DPYD: variants seen among roughly 807,000 people sequenced by gnomAD.
DPYD encodes the protein dihydropyrimidine dehydrogenase.
A neutral mutation model predicts 116.2 loss-of-function variants in DPYD; 109 were observed. The ratio of observed to expected loss-of-function variants is 0.94; its 90% CI spans 0.80 to 1.10. The LOEUF (loss-of-function observed/expected upper bound fraction) is 1.10, where lower values mean the gene tolerates loss of function less well. Ranked by LOEUF, DPYD falls within the 50% of genes least tolerant of loss-of-function variation. The probability of loss-of-function intolerance (pLI) is 0.00; values close to 1 mark genes in which losing one functional copy is unlikely to be tolerated. For synonymous variants in DPYD, 440 were observed against 432.0 expected, an observed-to-expected ratio of 1.02 and a Z score of -0.23; for missense variants, 1,302 against 1,254.5, an observed-to-expected ratio of 1.04 and a Z score of -0.57.
At chr1:97,249,781 C>T (rs994463707) in intron 18 of DPYD, among the ~76,000 whole-genome samples, 9 of 152,118 alleles carry the variant, frequency 5.9e-5, no homozygotes, top group African/African-American at 1.4e-4. Flanking sequence ...TTGAACAATA[C>T]TTTTTAAAAA....
chr1:97,843,646 T>C (rs1670144983), intron 2 of DPYD, among the ~76,000 whole-genome samples: 1 of 152,208 alleles, frequency 6.6e-6, no homozygotes, highest in Non-Finnish European at 1.5e-5. Context: ...TCATGTTTCT[T>C]TCCATAAGAA....
At chr1:97,780,867 T>C (rs116189427) in intron 3 of DPYD, among the ~76,000 whole-genome samples, 503 of 152,308 alleles carry the variant, frequency 3.3e-3, no homozygotes, top group Non-Finnish European at 5.4e-3. Context: ...AGATGCTTGA[T>C]ACTATTTCAG....
intron 20 of DPYD, among the ~76,000 whole-genome samples, chr1:97,128,636 G>A (rs1049427169): frequency 8.5e-5 from 13 of 152,068 alleles, no homozygotes; most frequent in African/African-American, 3.1e-4. Flanking sequence ...ATGCTCTTAC[G>A]GGACTCGGGG....
intron 20 of DPYD, among the ~76,000 whole-genome samples, chr1:97,166,289 A>G (rs983890813): frequency 1.3e-5 from 2 of 152,186 alleles, no homozygotes; most frequent in South Asian, 2.1e-4. Flanking sequence ...GTGCAGGAAC[A>G]TGGATGGAGC....
At chr1:97,728,734 C>A (rs1471003395) in intron 4 of DPYD, among the ~76,000 whole-genome samples, 1 of 152,026 alleles carries the variant, frequency 6.6e-6, no homozygotes, top group African/African-American at 2.4e-5. Context: ...CTGGCTCAAG[C>A]TGTAATGGTG....
At chr1:97,520,318 T>A (rs191494251) in intron 12 of DPYD, among the ~76,000 whole-genome samples, 49 of 152,306 alleles carry the variant, frequency 3.2e-4, no homozygotes, top group East Asian at 1.2e-3. Context: ...GTATTTTACC[T>A]GCCTAAAATA....
chr1:97,254,837 A>G (rs144282772), intron 18 of DPYD, among the ~76,000 whole-genome samples: 19 of 152,288 alleles, frequency 1.2e-4, no homozygotes, highest in African/African-American at 4.6e-4. Flanking sequence ...CCAAAACAAG[A>G]AGAAAAGATC....
chr1:97,195,311 G>C (rs1658672074), intron 19 of DPYD, among the ~76,000 whole-genome samples: 1 of 151,832 alleles, frequency 6.6e-6, no homozygotes, highest in Non-Finnish European at 1.5e-5. Context: ...TGTCATGCAT[G>C]AATGAAAAAG....
At position 97,085,482 on chromosome 1, in the gene DPYD, T is replaced by A. The variant is rs1405761453; in HGVS notation, c.2767-3012A>T. 3.3e-5 allele frequency among the ~76,000 whole-genome samples: 5 copies of A among 152,204 alleles called. No individual in the cohort carries two copies. The East Asian group carries it at 5.8e-4, about 18-fold the overall frequency. On this transcript the variant is annotated intron_variant, in intron 21 of 22. Transcript: ENST00000370192. The stretch of plus-strand genomic sequence containing the variant: ...ATTAGCACATGGTGTTAACAATTCA[T>A]CCCTTATTAAGTACAATTTTTTAAG...
At chr1:97,169,068 G>C (rs531926314) in intron 20 of DPYD, among the ~76,000 whole-genome samples, 1 of 151,882 alleles carries the variant, frequency 6.6e-6, no homozygotes, top group South Asian at 2.1e-4. Context: ...GGCTAGTCTC[G>C]AACTCCTGAC....
At chr1:97,196,053 G>C (rs1255942516) in intron 19 of DPYD, among the ~76,000 whole-genome samples, 1 of 151,916 alleles carries the variant, frequency 6.6e-6, no homozygotes, top group Non-Finnish European at 1.5e-5. Context: ...GCTCCTGTAA[G>C]AGGAAGAGGC....
At chr1:97,308,777 C>A (rs2101049012) in intron 16 of DPYD, among the ~76,000 whole-genome samples, 1 of 151,910 alleles carries the variant, frequency 6.6e-6, no homozygotes, top group East Asian at 1.9e-4. Context: ...TTTTTAGAAT[C>A]TTATTGAAAT....
In DPYD at chr1:97,860,720, A is replaced by T. The variant is rs77125898; in HGVS notation, c.150+22544T>A. On this transcript the variant is annotated intron_variant, in intron 2 of 22. Transcript: ENST00000370192. ...AAGTCAGTTAACAGAAAATGGCTAA[A>T]ACTATTTCTAACCTAAAATACTGAA... Among the ~76,000 whole-genome samples, 939 of 152,248 alleles carry T rather than the reference A, an allele frequency of 6.2e-3. 8 individuals carry two copies. Among genetic ancestry groups the T allele is most frequent in the African/African-American group, 0.021 (886 of 41,584 alleles).
intron 8 of DPYD, among the ~76,000 whole-genome samples, chr1:97,597,100 C>A (rs1654939781): frequency 6.6e-6 from 1 of 152,124 alleles, no homozygotes; most frequent in South Asian, 2.1e-4. Flanking sequence ...TGAATATGTT[C>A]TTGAAGGCTC....
chr1:97,566,745 A>T (rs1652546323), intron 11 of DPYD, among the ~76,000 whole-genome samples: 1 of 152,126 alleles, frequency 6.6e-6, no homozygotes, highest in Admixed American at 6.6e-5. Context: ...GAAGGTCATA[A>T]AGAGTGGTTA....
intron 3 of DPYD, among the ~76,000 whole-genome samples, chr1:97,791,389 C>A (rs543914280): frequency 1.3e-5 from 2 of 152,282 alleles, no homozygotes; most frequent in Admixed American, 1.3e-4. Context: ...ACCACTGAAA[C>A]CTCTGCTTAA....
intron 16 of DPYD, among the ~76,000 whole-genome samples, chr1:97,323,300 ATG>A (rs1668434051): frequency 6.7e-6 from 1 of 148,636 alleles, no homozygotes; most frequent in African/African-American, 2.5e-5. Context: ...ATATGTGTAT[ATG>A]TACACGTATA....
intron 4 of DPYD, among the ~76,000 whole-genome samples, chr1:97,731,956 T>C (rs72977743): frequency 0.032 from 4,904 of 152,210 alleles, 114 homozygotes; most frequent in African/African-American, 0.068. Flanking sequence ...GTCTATACTA[T>C]ACACAACCAC....
At chr1:97,731,280 C>A (rs547511770) in intron 4 of DPYD, among the ~76,000 whole-genome samples, 43 of 151,904 alleles carry the variant, frequency 2.8e-4, no homozygotes, top group Non-Finnish European at 5.0e-4. Flanking sequence ...TTATATTCTA[C>A]AGTGGAAATA....
Sources: gnomAD v4.1 joint callset for allele counts (sites outside exome capture counted in the v4.1 genomes callset) on GRCh38, gnomAD v4.1.1 for gene constraint, MANE v1.5 for transcripts, NCBI Gene and HGNC (gene_info 2026-07-23, HGNC 2026-07-21) for gene names.